The following NKAIN3 variants were observed in gnomAD, a reference collection of about 807,000 sequenced individuals.
NKAIN3 encodes the protein sodium/potassium-transporting ATPase subunit beta-1-interacting protein 3.
A neutral mutation model predicts 30.2 loss-of-function variants in NKAIN3; 25 were observed. The ratio of observed to expected loss-of-function variants is 0.83; its 90% confidence interval spans 0.60 to 1.16. The LOEUF (loss-of-function observed/expected upper bound fraction) is 1.16. NKAIN3 is among the 50% of genes most tolerant of loss of function. The probability of loss-of-function intolerance (pLI) is 0.00; values close to 1 mark genes in which losing one functional copy is unlikely to be tolerated. For missense variants in NKAIN3, 225 were observed against 254.1 expected (o/e 0.89, Z 0.78); for synonymous variants, 91 against 89.6 (o/e 1.02, Z -0.09).
intron 1 of NKAIN3, among the ~76,000 whole-genome samples, chr8:62,368,020 G>T (rs1362520042): frequency 6.6e-6 from 1 of 151,990 alleles, no homozygotes; most frequent in Non-Finnish European, 1.5e-5. Flanking sequence ...TAACCAAGGA[G>T]GTAAAAGACC....
intron 1 of NKAIN3, among the ~76,000 whole-genome samples, chr8:62,411,018 G>A (rs1305675084): frequency 6.6e-6 from 1 of 152,052 alleles, no homozygotes; most frequent in South Asian, 2.1e-4. Flanking sequence ...GGAGGCAGAG[G>A]GGCTCCTTCC....
intron 1 of NKAIN3, among the ~76,000 whole-genome samples, chr8:62,359,026 T>C (rs974361933): frequency 1.6e-4 from 25 of 151,830 alleles, no homozygotes; most frequent in Non-Finnish European, 3.1e-4. Context: ...CTAAAAAAAA[T>C]ACAAAAAATT....
chr8:62,395,733 T>A (rs1232322224), intron 1 of NKAIN3, among the ~76,000 whole-genome samples: 4 of 152,210 alleles, frequency 2.6e-5, no homozygotes, highest in Non-Finnish European at 5.9e-5. Flanking sequence ...ATATCTTAAT[T>A]TGATAGATAT....
chr8:62,699,102 G>A (rs1000025923), intron 3 of NKAIN3, among the ~76,000 whole-genome samples: 3 of 151,820 alleles, frequency 2.0e-5, no homozygotes, highest in African/African-American at 4.8e-5. Context: ...GACCTTTCTC[G>A]GGATATTTAC....
At chr8:62,263,202 T>A (rs1007979921) in intron 1 of NKAIN3, among the ~76,000 whole-genome samples, 1 of 152,222 alleles carries the variant, frequency 6.6e-6, no homozygotes, top group Non-Finnish European at 1.5e-5. Context: ...TTTTTAGTTA[T>A]CATAAAATTT....
At chr8:62,988,217 A>G (rs975242331), downstream of NKAIN3, among the ~76,000 whole-genome samples, 21 of 152,078 alleles carry the variant, frequency 1.4e-4, no homozygotes, top group African/African-American at 3.9e-4. Flanking sequence ...ATGAGTGTCT[A>G]TGGCTTTTCC....
intron 3 of NKAIN3, among the ~76,000 whole-genome samples, chr8:62,705,613 CT>C (rs1242030222): frequency 2.0e-5 from 3 of 152,046 alleles, no homozygotes; most frequent in African/African-American, 7.2e-5. Flanking sequence ...GTATTCTGGA[CT>C]GTTCTTCTAT....
chr8:62,422,243 C>A (rs757847497), intron 1 of NKAIN3, among the ~76,000 whole-genome samples: 26 of 151,838 alleles, frequency 1.7e-4, no homozygotes, highest in Non-Finnish European at 2.9e-4. Context: ...CTTAAAAGGC[C>A]TATTATGGTG....
chr8:62,731,714 G>T (rs1440235457), intron 3 of NKAIN3, among the ~76,000 whole-genome samples: 1 of 152,082 alleles, frequency 6.6e-6, no homozygotes, highest in African/African-American at 2.4e-5. Context: ...CCTTTGGTGG[G>T]GAGGAGGAGA....
chr8:62,369,725 C>A (rs73684980), intron 1 of NKAIN3, among the ~76,000 whole-genome samples: 5,099 of 151,526 alleles, frequency 0.034, 329 homozygotes, highest in African/African-American at 0.12. Context: ...AATCCATAAC[C>A]ATCAGGGGGA....
intron 3 of NKAIN3, among the ~76,000 whole-genome samples, chr8:62,689,989 T>TAAAA (rs1282252127): frequency 1.4e-4 from 21 of 148,482 alleles, no homozygotes; most frequent in African/African-American, 2.8e-4. Flanking sequence ...AATAAATAAA[T>TAAAA]AAAATTGCAC....
chr8:62,470,807 C>A (rs976109738), intron 1 of NKAIN3, among the ~76,000 whole-genome samples: 2 of 151,762 alleles, frequency 1.3e-5, no homozygotes, highest in Admixed American at 1.3e-4. Context: ...ATTTTATATT[C>A]TTTGCTTCCT....
intron 4 of NKAIN3, among the ~76,000 whole-genome samples, chr8:62,880,606 A>T (rs187847292): frequency 5.9e-5 from 9 of 152,344 alleles, no homozygotes; most frequent in African/African-American, 2.2e-4. Flanking sequence ...CCCTTAAAAA[A>T]ATGGAATTTT....
chr8:62,761,025 T>A lies in NKAIN3; in HGVS notation c.471+13896T>A, dbSNP rs558576965. 2.5e-3 allele frequency among the ~76,000 whole-genome samples: 380 copies of A among 152,252 alleles called. 1 individual carries two copies. The highest frequency in any genetic ancestry group is 4.2e-3 in the Non-Finnish European group (284 of 68,006). ...GCATCCTACTTTTGCTTACTTTTGA[T>A]TTACCTTTTCTATTTCTCCTAGTAG... is the stretch of plus-strand genomic sequence containing the variant. On this transcript the variant is annotated intron_variant, in intron 4 of 6. Coordinates refer to ENST00000623646, the MANE Select transcript of NKAIN3 (RefSeq NM_001304533.3).
chr8:62,282,560 G>C (rs1156665632), intron 1 of NKAIN3, among the ~76,000 whole-genome samples: 1 of 152,168 alleles, frequency 6.6e-6, no homozygotes, highest in Non-Finnish European at 1.5e-5. Context: ...TTTGTTGACT[G>C]ATGGGCTTTC....
intron 1 of NKAIN3, among the ~76,000 whole-genome samples, chr8:62,475,976 T>C (rs762851780): frequency 6.6e-6 from 1 of 152,092 alleles, no homozygotes; most frequent in South Asian, 2.1e-4. Context: ...AACACAATTT[T>C]CATGAGATTC....
chr8:62,772,892 C>A (rs1817067846), intron 4 of NKAIN3, among the ~76,000 whole-genome samples: 1 of 152,152 alleles, frequency 6.6e-6, no homozygotes, highest in South Asian at 2.1e-4. Flanking sequence ...AACTCCTGAT[C>A]TCATGATCTA....
intron 1 of NKAIN3, among the ~76,000 whole-genome samples, chr8:62,509,822 A>G (rs76203750): frequency 6.6e-6 from 1 of 152,154 alleles, no homozygotes; most frequent in Non-Finnish European, 1.5e-5. Flanking sequence ...CACTCACTCC[A>G]TGAAGACCGT....
intron 5 of NKAIN3, among the ~76,000 whole-genome samples, chr8:62,934,637 CA>C (rs1822726563): frequency 6.6e-6 from 1 of 152,026 alleles, no homozygotes; most frequent in East Asian, 1.9e-4. Context: ...AATACTAAAG[CA>C]AGCACAGTCC....
Sources: gnomAD v4.1 joint callset for allele counts (sites outside exome capture counted in the v4.1 genomes callset) on GRCh38, gnomAD v4.1.1 for gene constraint, MANE v1.5 for transcripts, NCBI Gene and HGNC (gene_info 2026-07-23, HGNC 2026-07-21) for gene names.